STX17: variants seen among roughly 807,000 people sequenced by gnomAD.
The protein encoded by STX17 is syntaxin 17.
STX17 carries 29 observed loss-of-function variants against 35.9 expected under a neutral mutation model. That is an observed-to-expected ratio of 0.81 (90% confidence interval 0.60 to 1.10). The LOEUF (loss-of-function observed/expected upper bound fraction) is 1.10, where lower values mean the gene tolerates loss of function less well. STX17 is among the 50% of genes least tolerant of loss of function. STX17 has a pLI of 0.00. For missense variants in STX17, 312 were observed against 352.3 expected (o/e 0.89, Z 0.92); for synonymous variants, 92 against 118.3 (o/e 0.78, Z 1.44).
At chr9:99,963,736 G>A (rs2118532416) in intron 6 of STX17, among the ~76,000 whole-genome samples, 1 of 152,174 alleles carries the variant, frequency 6.6e-6, no homozygotes, top group South Asian at 2.1e-4. Context: ...CTTTCCAACT[G>A]CTGAATCCTC....
intron 3 of STX17, among the ~76,000 whole-genome samples, chr9:99,950,176 T>A (rs2118478473): frequency 6.6e-6 from 1 of 152,096 alleles, no homozygotes. Context: ...GAAAATCATT[T>A]GATAAAAATC....
At chr9:99,938,463 C>G (rs1829282536) in intron 3 of STX17, among the ~76,000 whole-genome samples, 1 of 152,142 alleles carries the variant, frequency 6.6e-6, no homozygotes, top group Non-Finnish European at 1.5e-5. Flanking sequence ...TAATAATTCA[C>G]TGAAGAACAT....
chr9:99,965,369 A>G (rs1327370361), intron 6 of STX17, among the ~76,000 whole-genome samples: 2 of 152,238 alleles, frequency 1.3e-5, no homozygotes, highest in Middle Eastern at 3.2e-3. Context: ...CACTTGGGGT[A>G]TAGAAATGGC....
chr9:99,914,833 A>G (rs1227297279), intron 1 of STX17, among the ~76,000 whole-genome samples: 4 of 152,204 alleles, frequency 2.6e-5, no homozygotes, highest in South Asian at 2.1e-4. Flanking sequence ...TTTTAAAAGT[A>G]TTTATATACA....
intron 3 of STX17, among the ~76,000 whole-genome samples, chr9:99,939,067 T>C (rs1829298817): frequency 2.0e-5 from 3 of 152,182 alleles, no homozygotes; most frequent in Admixed American, 1.3e-4. Flanking sequence ...AGATGTGACT[T>C]TCATGATTTT....
intron 3 of STX17, among the ~76,000 whole-genome samples, chr9:99,937,610 T>C (rs887083118): frequency 6.6e-6 from 1 of 152,216 alleles, no homozygotes; most frequent in Non-Finnish European, 1.5e-5. Context: ...GTCTTTTTTA[T>C]ATCTTCTGTG....
At chr9:99,963,225 C>A (rs925231808) in intron 6 of STX17, among the ~76,000 whole-genome samples, 5 of 152,170 alleles carry the variant, frequency 3.3e-5, no homozygotes, top group African/African-American at 4.8e-5. Context: ...TTAATATCTA[C>A]TAGGTACCCT....
chr9:99,931,399 C>T (rs1278155492), intron 3 of STX17, among the ~76,000 whole-genome samples: 1 of 151,860 alleles, frequency 6.6e-6, no homozygotes, highest in African/African-American at 2.4e-5. Flanking sequence ...TTGTGTTGGA[C>T]TGTTTCTTTC....
chr9:99,965,190 G>A (rs953052595), intron 6 of STX17, among the ~76,000 whole-genome samples: 3 of 152,136 alleles, frequency 2.0e-5, no homozygotes, highest in Non-Finnish European at 4.4e-5. Context: ...CTCAGGATTG[G>A]TTTTTTGCCT....
At chr9:99,951,398 C>A in intron 4 of STX17, 113 bp downstream of exon 4, 1 of 899,042 alleles carries the variant, frequency 1.1e-6, no homozygotes, top group Non-Finnish European at 1.7e-6. Flanking sequence ...ATTCACTATC[C>A]CAATATGCTG....
chr9:99,915,124 A>T, intron 1 of STX17, 54 bp from the exon 2 acceptor site: 2 of 1,219,442 alleles, frequency 1.6e-6, no homozygotes, highest in Admixed American at 2.9e-5. Flanking sequence ...GTTGGCTTTT[A>T]AAAATAGTGG....
intron 4 of STX17, among the ~76,000 whole-genome samples, chr9:99,953,613 T>A (rs1829648322): frequency 6.6e-6 from 1 of 152,092 alleles, no homozygotes; most frequent in Non-Finnish European, 1.5e-5. Flanking sequence ...AGTTTTATAG[T>A]TGCATGTGAT....
At chr9:99,913,819 T>G (rs1828704858) in intron 1 of STX17, among the ~76,000 whole-genome samples, 1 of 152,284 alleles carries the variant, frequency 6.6e-6, no homozygotes, top group Admixed American at 6.5e-5. Flanking sequence ...AATGGGTAGG[T>G]ATTGGAGGCA....
chr9:99,915,740 G>T (rs1307667796), intron 2 of STX17, among the ~76,000 whole-genome samples: 1 of 151,762 alleles, frequency 6.6e-6, no homozygotes, highest in Non-Finnish European at 1.5e-5. Flanking sequence ...TTATTTTTTT[G>T]GAGAAACAAG....
intron 3 of STX17, among the ~76,000 whole-genome samples, chr9:99,942,366 A>G (rs1001482557): frequency 9.2e-5 from 14 of 152,194 alleles, no homozygotes; most frequent in African/African-American, 2.9e-4. Context: ...TGTGTTGCAG[A>G]TATCTTCTGC....
intron 3 of STX17, among the ~76,000 whole-genome samples, chr9:99,935,222 C>T (rs950439055): frequency 2.1e-4 from 31 of 149,714 alleles, no homozygotes; most frequent in Non-Finnish European, 3.4e-4. Flanking sequence ...CCCAGCTACT[C>T]GGGAGGCTGA....
At position 99,940,240 on chromosome 9, in the gene STX17, C is replaced by T. The variant is rs185119650; in HGVS notation, c.190-10820C>T. Among the ~76,000 whole-genome samples the T allele has an allele frequency of 3.7e-3, 556 of 152,164 alleles. 3 individuals carry two copies. The highest frequency in any genetic ancestry group is 0.013 in the African/African-American group (520 of 41,502). ...CCACCTCCCGGGTTCAAGTGAGTCT[C>T]CTGCCTCAGCCTCCCAAGTAGCTGG... is the stretch of plus-strand genomic sequence containing the variant. On this transcript the variant is annotated intron_variant, in intron 3 of 7. Coordinates refer to ENST00000259400, the MANE Select transcript of STX17 (RefSeq NM_017919.3).
intron 1 of STX17, among the ~76,000 whole-genome samples, chr9:99,908,704 A>C (rs1828603981): frequency 6.6e-6 from 1 of 152,042 alleles, no homozygotes; most frequent in Non-Finnish European, 1.5e-5. Context: ...CCTGATAGTC[A>C]GCCACTTCTC....
chr9:99,964,362 T>A (rs1486257947), intron 6 of STX17, among the ~76,000 whole-genome samples: 1 of 152,186 alleles, frequency 6.6e-6, no homozygotes, highest in Non-Finnish European at 1.5e-5. Flanking sequence ...TAATTCAATG[T>A]TCTTTAAAAT....
Sources: allele counts gnomAD v4.1 joint callset (sites outside exome capture counted in the v4.1 genomes callset), GRCh38; gene constraint gnomAD v4.1.1; transcripts MANE v1.5; gene names NCBI Gene and HGNC (gene_info 2026-07-23, HGNC 2026-07-21).